The following NRXN1 variants were observed in gnomAD, a reference collection of about 807,000 sequenced individuals.
NRXN1 encodes the protein neurexin-1.
A neutral mutation model predicts 150.9 loss-of-function variants in NRXN1; 39 were observed. The ratio of observed to expected loss-of-function variants is 0.26; its 90% CI spans 0.20 to 0.34. NRXN1 has a LOEUF of 0.34. NRXN1 is among the 10% of genes least tolerant of loss of function. The pLI, the probability that NRXN1 is intolerant of heterozygous loss-of-function variation, is 1.00. For synonymous variants in NRXN1, 924 were observed against 757.0 expected (o/e 1.22, Z -3.62); for missense variants, 1,815 against 1,949.9 (o/e 0.93, Z 1.30).
At chr2:50,379,404 A>G (rs776964930) in intron 17 of NRXN1, among the ~76,000 whole-genome samples, 16 of 152,206 alleles carry the variant, frequency 1.1e-4, no homozygotes, top group South Asian at 4.1e-4. Flanking sequence ...AGTGAAACAG[A>G]CAAACTCTAT....
At chr2:50,868,006 C>T (rs1677180272) in intron 5 of NRXN1, among the ~76,000 whole-genome samples, 1 of 151,244 alleles carries the variant, frequency 6.6e-6, no homozygotes, top group African/African-American at 2.4e-5. Context: ...GGATTCATTA[C>T]TATTTCTTTT....
At chr2:50,358,961 A>G (rs1421730639) in intron 17 of NRXN1, among the ~76,000 whole-genome samples, 1 of 152,208 alleles carries the variant, frequency 6.6e-6, no homozygotes, top group Non-Finnish European at 1.5e-5. Context: ...CGGACCCCCC[A>G]GCAAACTCCA....
chr2:50,010,191 T>G (rs10495992), intron 21 of NRXN1, among the ~76,000 whole-genome samples: 71,787 of 151,808 alleles, frequency 0.47, 17,553 homozygotes, highest in Middle Eastern at 0.61. Context: ...ACACCAAATA[T>G]TATTTCATGA....
chr2:50,868,837 T>G (rs945813656), intron 5 of NRXN1, among the ~76,000 whole-genome samples: 6 of 151,852 alleles, frequency 4.0e-5, no homozygotes, highest in Non-Finnish European at 5.9e-5. Flanking sequence ...TACACTTAAA[T>G]TCAAAGTATA....
rs1157565627 is a variant in NRXN1 at position 50,347,254 on chromosome 2, T to C, written c.3365-110284A>G. 7.6e-7 allele frequency: 1 copy of C among 1,319,084 alleles called. No homozygotes were observed. The highest frequency in any genetic ancestry group is 1.2e-5 in the South Asian group (1 of 81,166). 81.7% of individuals were successfully genotyped at this position (1,319,084 alleles called of 1,614,324 possible). On this transcript the variant is annotated intron_variant, in intron 17 of 22. Coordinates refer to ENST00000401669, the MANE Select transcript of NRXN1 (RefSeq NM_001330078.2). This position sits in a 1 kb window ranked among gnomAD's most constrained non-coding sequence, Gnocchi z 4.9. ...GTGGCTGCTCCCAGATTTCCAGGGC[T>C]CCAGGTTCTCGAGAGATACTCCCAA...
chr2:50,261,378 G>T (rs148471455), intron 17 of NRXN1, among the ~76,000 whole-genome samples: 111 of 151,860 alleles, frequency 7.3e-4, no homozygotes, highest in African/African-American at 2.5e-3. Context: ...ATTTTCTCCT[G>T]GAGTTAAATT....
intron 17 of NRXN1, among the ~76,000 whole-genome samples, chr2:50,329,617 GTATATATATATATATATATA>G (rs1172739306): frequency 2.9e-4 from 4 of 13,980 alleles, no homozygotes; most frequent in Non-Finnish European, 3.1e-4. Context: ...GTGTGTGTGT[GTATATATATATATATATATA>G]TATATATATA....
chr2:50,094,798 G>C (rs940308522), intron 18 of NRXN1, among the ~76,000 whole-genome samples: 1 of 151,890 alleles, frequency 6.6e-6, no homozygotes, highest in Non-Finnish European at 1.5e-5. Context: ...GAATTGCAGT[G>C]ATAGATGACC....
intron 5 of NRXN1, among the ~76,000 whole-genome samples, chr2:50,624,039 G>GT (rs1362063656): frequency 1.3e-5 from 2 of 151,960 alleles, no homozygotes; most frequent in Non-Finnish European, 2.9e-5. Context: ...GTGGTGTTTG[G>GT]TTTTTTGTCC....
chr2:50,932,909 T>G, intron 2 of NRXN1, among the ~76,000 whole-genome samples: 1 of 152,184 alleles, frequency 6.6e-6, no homozygotes, highest in Admixed American at 6.5e-5. Flanking sequence ...ATTTTCTTAA[T>G]TGCATTTATT....
rs548498918 is a variant in NRXN1 at position 50,281,712 on chromosome 2, G to C, written c.3365-44742C>G. On this transcript the variant is annotated intron_variant, in intron 17 of 22. Coordinates refer to ENST00000401669, the MANE Select transcript of NRXN1 (RefSeq NM_001330078.2). The stretch of plus-strand genomic sequence containing the variant: ...TAATTCACAAATTCAGATAAGTAAG[G>C]ATCGCAAAAATGAGACCCAGTCATC... Among the ~76,000 whole-genome samples the C allele has an allele frequency of 3.3e-5, 5 of 152,156 alleles. No individual in the cohort carries two copies. The East Asian group carries it at 9.7e-4, about 29-fold the overall frequency.
chr2:50,263,744 C>T (rs2068551887), intron 17 of NRXN1, among the ~76,000 whole-genome samples: 1 of 152,078 alleles, frequency 6.6e-6, no homozygotes, highest in Non-Finnish European at 1.5e-5. Context: ...TAGAGGTCTC[C>T]AAGCTGTCTG....
intron 12 of NRXN1, among the ~76,000 whole-genome samples, chr2:50,521,465 T>G (rs928169367): frequency 1.8e-4 from 27 of 152,226 alleles, no homozygotes; most frequent in African/African-American, 6.5e-4. Flanking sequence ...TTAGTATTTC[T>G]TATTCATCTT....
At chr2:50,731,415 A>G (rs770825492) in intron 5 of NRXN1, among the ~76,000 whole-genome samples, 4 of 152,178 alleles carry the variant, frequency 2.6e-5, no homozygotes, top group Non-Finnish European at 4.4e-5. Context: ...ACTACCACAT[A>G]CCAGGAAACA....
intron 8 of NRXN1, among the ~76,000 whole-genome samples, chr2:50,598,560 ATATG>A (rs1269662235): frequency 3.0e-5 from 4 of 133,622 alleles, no homozygotes; most frequent in Admixed American, 7.8e-5. Flanking sequence ...GTGTATATAT[ATATG>A]TGTGTGTGTG....
At chr2:50,706,367 T>G (rs1694438544) in intron 5 of NRXN1, among the ~76,000 whole-genome samples, 1 of 152,200 alleles carries the variant, frequency 6.6e-6, no homozygotes, top group South Asian at 2.1e-4. Flanking sequence ...AGATACATTC[T>G]AGTATATTTT....
chr2:50,657,262 G>A (rs1199500374), intron 5 of NRXN1, among the ~76,000 whole-genome samples: 1 of 151,864 alleles, frequency 6.6e-6, no homozygotes, highest in Non-Finnish European at 1.5e-5. Flanking sequence ...CATTTCAGTG[G>A]CTCCTTCCTC....
At chr2:50,977,467 T>A (rs953337060) in intron 2 of NRXN1, among the ~76,000 whole-genome samples, 1 of 151,958 alleles carries the variant, frequency 6.6e-6, no homozygotes, top group Non-Finnish European at 1.5e-5. Flanking sequence ...CAACTACATA[T>A]ACCAAGACCA....
chr2:50,265,371 A>T (rs1395001122), intron 17 of NRXN1, among the ~76,000 whole-genome samples: 5 of 151,748 alleles, frequency 3.3e-5, no homozygotes, highest in Non-Finnish European at 1.5e-5. Flanking sequence ...TGAGATTAAA[A>T]CTCTCTCTAC....
Sources: gnomAD v4.1 joint callset for allele counts (sites outside exome capture counted in the v4.1 genomes callset) on GRCh38, gnomAD v4.1.1 for gene constraint, Gnocchi (gnomAD v3.1) non-coding constraint, MANE v1.5 for transcripts, NCBI Gene and HGNC (gene_info 2026-07-23, HGNC 2026-07-21) for gene names.